Variants in GRID2IP observed in about 807,000 individuals in gnomAD.
GRID2IP encodes the protein delphilin.
In GRID2IP, 78 loss-of-function variants were observed where a neutral mutation model predicts 114.3. The observed-to-expected ratio is 0.68, with a 90% confidence interval of 0.57 to 0.82. The LOEUF is 0.82. Ranked by LOEUF, GRID2IP falls within the 40% of genes least tolerant of loss-of-function variation. The probability of loss-of-function intolerance (pLI) is 0.00; values close to 1 mark genes in which losing one functional copy is unlikely to be tolerated. For missense variants in GRID2IP, 1,727 were observed against 1,678.5 expected (o/e 1.03, Z -0.51); for synonymous variants, 809 against 724.0 (o/e 1.12, Z -1.89).
rs1267386547 is a variant in GRID2IP, at chr7:6,551,372, C to A, written c.65G>T (p.Gly22Val). ...GWPEDFGFRL[G>V]GSGPCFVLEV... is the part of the protein sequence containing the mutation. Reference sequence around the variant, plus strand: ...CAGGACGAAGCAGGGGCCAGAGCCACCTAGCCGGAAGCCAAAGTCCTCTGG... The same window carrying A: ...CAGGACGAAGCAGGGGCCAGAGCCAACTAGCCGGAAGCCAAAGTCCTCTGG... Residue 22 changes from glycine to valine, a missense_variant, in exon 1 of 22, where the codon GGT (glycine) becomes GTT (valine). Coordinates refer to ENST00000457091, the MANE Select transcript of GRID2IP (RefSeq NM_001145118.2). The A allele has an allele frequency of 1.3e-6, 2 of 1,548,694 alleles. No homozygotes were observed. Among genetic ancestry groups the A allele is most frequent in the South Asian group, 2.4e-5 (2 of 83,876 alleles).
Position 6,526,618 on chromosome 7 carries a change from T to C in GRID2IP, c.736A>G (p.Thr246Ala). ...EERPERLLVS[T>A]RASAPPRRPD... is the part of the protein sequence containing the mutation. ...CGGCGCGGCGGGGCGCTGGCGCGCG[T>C]GGACACCAGGAGGCGCTCCGGCCGC... Residue 246 changes from threonine to alanine, a missense_variant, in exon 3 of 22, where the codon ACG (threonine) becomes GCG (alanine). Transcript: ENST00000457091. The surrounding 1 kb of genome is among the most constrained non-coding windows in gnomAD (Gnocchi z 7.6). 1 of 1,218,510 alleles carries C rather than the reference T, an allele frequency of 8.2e-7. No individual in the cohort carries two copies. The highest frequency in any genetic ancestry group is 3.5e-5 in the East Asian group (1 of 28,870). The allele number at this position is 1,218,510 out of a possible 1,614,324, so 75.5% of individuals were successfully genotyped here.
At chr7:6,522,523 C>G (rs1031459854) in intron 4 of GRID2IP, among the ~76,000 whole-genome samples, 1 of 151,694 alleles carries the variant, frequency 6.6e-6, no homozygotes, top group Admixed American at 6.6e-5. Flanking sequence ...ATTTTAGAGA[C>G]AGGGTCTTGC....
At chr7:6,540,962 G>A (rs1458739546) in intron 1 of GRID2IP, among the ~76,000 whole-genome samples, 2 of 151,920 alleles carry the variant, frequency 1.3e-5, no homozygotes, top group African/African-American at 2.4e-5. Flanking sequence ...TTAGCCTCCC[G>A]AGTAGCTGGG....
rs151005342 is a variant in GRID2IP at position 6,546,708 on chromosome 7, G to A, written c.429+4300C>T. 9.7e-4 allele frequency among the ~76,000 whole-genome samples: 147 copies of A among 152,002 alleles called. 2 individuals are homozygous for A. Among genetic ancestry groups the A allele is most frequent in the East Asian group, 1.6e-3 (8 of 5,152 alleles). On this transcript the variant is annotated intron_variant, in intron 1 of 21. Transcript: ENST00000457091. ...CCTAACCAAAATCCTCCACTTCCCC[G>A]TTCCTCCTTGCCAGAAAACACACTG...
At chr7:6,540,632 T>C (rs1001342797) in intron 1 of GRID2IP, among the ~76,000 whole-genome samples, 1 of 149,862 alleles carries the variant, frequency 6.7e-6, no homozygotes, top group African/African-American at 2.5e-5. Flanking sequence ...GAGATTCTCC[T>C]GCCTCAGCCT....
At chr7:6,504,306 GGCGAA>G (rs1471336625) in intron 15 of GRID2IP, among the ~76,000 whole-genome samples, 1 of 151,394 alleles carries the variant, frequency 6.6e-6, no homozygotes. Context: ...GCAGGGAGAG[GGCGAA>G]GCTTCCAGGT....
chr7:6,517,493 C>T (rs1779332341), intron 7 of GRID2IP, among the ~76,000 whole-genome samples: 1 of 152,200 alleles, frequency 6.6e-6, no homozygotes, highest in South Asian at 2.1e-4. Context: ...TCAAGGTTAT[C>T]TATTCAAGGA....
At chr7:6,525,346 G>T (rs1779488943) in intron 4 of GRID2IP, among the ~76,000 whole-genome samples, 2 of 151,982 alleles carry the variant, frequency 1.3e-5, no homozygotes, top group Admixed American at 6.6e-5. Context: ...AATAGGCCAG[G>T]TGTGATGGCT....
intron 15 of GRID2IP, among the ~76,000 whole-genome samples, chr7:6,504,565 G>T (rs1351552316): frequency 6.6e-6 from 1 of 152,158 alleles, no homozygotes; most frequent in Non-Finnish European, 1.5e-5. Flanking sequence ...GAGGCTGGAG[G>T]CGGGGCCAGA....
At chr7:6,549,982 CTCTTTTTATTTTA>C (rs1779949270) in intron 1 of GRID2IP, among the ~76,000 whole-genome samples, 2 of 151,980 alleles carry the variant, frequency 1.3e-5, no homozygotes, top group South Asian at 2.1e-4. Flanking sequence ...ATATCTGTGG[CTCTTTTTATTTTA>C]TCTTTTTATT....
chr7:6,550,540 G>A (rs906316744), intron 1 of GRID2IP, among the ~76,000 whole-genome samples: 3 of 151,808 alleles, frequency 2.0e-5, no homozygotes, highest in Non-Finnish European at 2.9e-5. Context: ...GCCGGGCGCA[G>A]TGGCTCATGC....
chr7:6,505,200 A>T (rs1320596630), intron 14 of GRID2IP, among the ~76,000 whole-genome samples: 1 of 152,076 alleles, frequency 6.6e-6, no homozygotes, highest in Non-Finnish European at 1.5e-5. Context: ...GTATTTGTGG[A>T]TGCCTCCTGT....
At position 6,549,852 on chromosome 7, in the gene GRID2IP, A is replaced by T. The variant is rs367992177; in HGVS notation, c.429+1156T>A. ...CACCACATTGCCCAGGCTGGTCTCA[A>T]ACTCCTGAGTTCAAGTCATCAGCCC... On this transcript the variant is annotated intron_variant, in intron 1 of 21. Coordinates refer to ENST00000457091, the MANE Select transcript of GRID2IP (RefSeq NM_001145118.2). Among the ~76,000 whole-genome samples the T allele has an allele frequency of 8.6e-5, 13 of 151,628 alleles. 1 individual carries two copies. Among genetic ancestry groups the T allele is most frequent in the African/African-American group, 3.1e-4 (13 of 41,362 alleles).
In GRID2IP at chr7:6,509,469, G is replaced by A. The variant is rs961851505; in HGVS notation, c.1772-156C>T. Among the ~76,000 whole-genome samples the A allele has an allele frequency of 2.0e-5, 3 of 152,180 alleles. No homozygotes were observed. Among genetic ancestry groups the A allele is most frequent in the African/African-American group, 7.2e-5 (3 of 41,430 alleles). On this transcript the variant is annotated intron_variant, in intron 11 of 21. Transcript: ENST00000457091. This position sits in a 1 kb window ranked among gnomAD's most constrained non-coding sequence, Gnocchi z 4.9. ...GTGCAGGAAGACCTTGAGCGGCCCT[G>A]CCTTCCAAGCATGACTAAAGGCCAG...
At chr7:6,514,269 G>T in intron 8 of GRID2IP, 106 bp downstream of exon 8, 1 of 1,069,876 alleles carries the variant, frequency 9.3e-7, no homozygotes, top group Non-Finnish European at 1.3e-6. Context: ...AAACAAACAA[G>T]CAAACAAACA....
Position 6,503,143 on chromosome 7 carries a change from G to A in GRID2IP, c.2928C>T (p.Tyr976=). 6.7e-7 allele frequency: 1 copy of A among 1,488,642 alleles called. No homozygotes were observed. Among genetic ancestry groups the A allele is most frequent in the South Asian group, 1.2e-5 (1 of 82,292 alleles). The allele number at this position is 1,488,642 out of a possible 1,614,324, so 92.2% of individuals were successfully genotyped here. The change falls in exon 17 of 22, where the codon TAC becomes TAT. Residue 976 remains tyrosine (Y), a synonymous_variant. Coordinates refer to ENST00000457091, the MANE Select transcript of GRID2IP (RefSeq NM_001145118.2). ...FVLQMLSVPE[Y]KTRLRSLHFQ... is the part of the protein sequence containing the mutation. ...AGTGGAGGCTGCGCAGGCGTGTCTT[G>A]TATTCGGGAACTGACAGCATCTGCC...
At chr7:6,529,168 C>T (rs781492940) in intron 2 of GRID2IP, among the ~76,000 whole-genome samples, 9 of 151,650 alleles carry the variant, frequency 5.9e-5, no homozygotes, top group Non-Finnish European at 1.2e-4. Context: ...AAGGCCCTGT[C>T]GTCCGGGCGC....
rs1165530228 is a variant in GRID2IP, at chr7:6,507,880, G to A, written c.2544+105C>T. Reference sequence around the variant, plus strand: ...TCTACTCATCCTCTGCTTGGGGTAGGGAGGATGATGTTGGAAGATGCCTGG... The same window carrying A: ...TCTACTCATCCTCTGCTTGGGGTAGAGAGGATGATGTTGGAAGATGCCTGG... On this transcript the variant is annotated intron_variant, in intron 13 of 21. Coordinates refer to ENST00000457091, the MANE Select transcript of GRID2IP (RefSeq NM_001145118.2). The surrounding 1 kb of genome is among the most constrained non-coding windows in gnomAD (Gnocchi z 5.3). The A allele has an allele frequency of 2.7e-6, 4 of 1,477,100 alleles. No individual in the cohort carries two copies. Among genetic ancestry groups the A allele is most frequent in the Non-Finnish European group, 3.6e-6 (4 of 1,107,268 alleles). 91.5% of individuals were successfully genotyped at this position (1,477,100 alleles called of 1,614,324 possible).
chr7:6,527,713 C>G (rs1779541622), intron 2 of GRID2IP, among the ~76,000 whole-genome samples: 1 of 152,124 alleles, frequency 6.6e-6, no homozygotes, highest in South Asian at 2.1e-4. Flanking sequence ...ATCCTCCTGC[C>G]TCAGCCTCCC....
Sources: allele counts gnomAD v4.1 joint callset (sites outside exome capture counted in the v4.1 genomes callset), GRCh38; gene constraint gnomAD v4.1.1; non-coding constraint Gnocchi (gnomAD v3.1); transcripts MANE v1.5; gene names NCBI Gene and HGNC (gene_info 2026-07-23, HGNC 2026-07-21).